The following RAB27B variants were observed in gnomAD, a reference collection of about 807,000 sequenced individuals.
The protein encoded by RAB27B is RAB27B, member RAS oncogene family, also known as ras-related protein Rab-27B.
A neutral mutation model predicts 24.6 loss-of-function variants in RAB27B; 15 were observed. The ratio of observed to expected loss-of-function variants is 0.61; its 90% confidence interval spans 0.41 to 0.94. The LOEUF (loss-of-function observed/expected upper bound fraction) is 0.94, where lower values mean the gene tolerates loss of function less well. Among genes scored for constraint, RAB27B ranks in the 40% least tolerant of loss-of-function variants. The pLI, the probability that RAB27B is intolerant of heterozygous loss-of-function variation, is 0.00. For missense variants in RAB27B, 261 were observed against 266.8 expected (o/e 0.98, Z 0.15); for synonymous variants, 105 against 92.5 (o/e 1.14, Z -0.78).
At chr18:54,765,965 G>A (rs1908348338) in intron 2 of RAB27B, among the ~76,000 whole-genome samples, 1 of 152,142 alleles carries the variant, frequency 6.6e-6, no homozygotes, top group Non-Finnish European at 1.5e-5. Context: ...AGTTAAACCA[G>A]TTTGTTTACA....
chr18:54,800,681 C>T (rs1296879942), intron 2 of RAB27B, among the ~76,000 whole-genome samples: 1 of 152,128 alleles, frequency 6.6e-6, no homozygotes, highest in Non-Finnish European at 1.5e-5. Flanking sequence ...GATATTAAGA[C>T]TTTGTTCCTG....
intron 1 of RAB27B, among the ~76,000 whole-genome samples, chr18:54,855,917 C>T (rs1911766715): frequency 6.6e-6 from 1 of 152,140 alleles, no homozygotes; most frequent in African/African-American, 2.4e-5. Context: ...ATTATACAAC[C>T]ACACTGAATT....
rs1017698563 is a variant in RAB27B at position 54,855,275 on chromosome 18, T to C, written c.-19-22292T>C. ...GAGCAGATGTAAATACAGATGAAGC[T>C]TTGCTTCCTCACTGGCTGCTCACCT... On this transcript the variant is annotated intron_variant, in intron 1 of 5. Transcript: ENST00000262094. Among the ~76,000 whole-genome samples the C allele has an allele frequency of 3.3e-5, 5 of 152,172 alleles. No individual in the cohort carries two copies. The East Asian group carries it at 9.6e-4, about 29-fold the overall frequency.
In RAB27B at chr18:54,888,058, A is replaced by T; in HGVS notation, c.407A>T (p.Asp136Val). Residue 136 changes from aspartate to valine, a missense_variant, in exon 5 of 6, where the codon GAC becomes GTC. Transcript: ENST00000262094. The stretch of plus-strand genomic sequence containing the variant: ...ATAGTATTAATTGGCAACAAGGCAG[A>T]CCTACCAGATCAGAGGGAAGTCAAT... The part of the protein sequence containing the change: ...PDIVLIGNKA[D>V]LPDQREVNER... 2 of 1,613,332 alleles carry T rather than the reference A, an allele frequency of 1.2e-6. No individual in the cohort carries two copies. The highest frequency in any genetic ancestry group is 1.7e-6 in the Non-Finnish European group (2 of 1,179,458).
At chr18:54,875,894 G>A (rs1392453725) in intron 1 of RAB27B, among the ~76,000 whole-genome samples, 1 of 151,970 alleles carries the variant, frequency 6.6e-6, no homozygotes, top group Admixed American at 6.6e-5. Context: ...TTTTGTACAT[G>A]TACATGTACC....
At chr18:54,831,022 T>C (rs746361214) in intron 1 of RAB27B, among the ~76,000 whole-genome samples, 8 of 152,164 alleles carry the variant, frequency 5.3e-5, no homozygotes, top group Non-Finnish European at 7.3e-5. Flanking sequence ...TGGACCAAAA[T>C]TCCTGACCTT....
intron 2 of RAB27B, among the ~76,000 whole-genome samples, chr18:54,782,075 A>C (rs1026591303): frequency 1.3e-5 from 2 of 152,212 alleles, no homozygotes; most frequent in African/African-American, 4.8e-5. Flanking sequence ...TTAATGAGAA[A>C]AATTATTTAC....
rs561720880 is a variant in RAB27B at position 54,766,177 on chromosome 18, A to G, written c.-20+48036A>G. ...TGGCTTTCTTCCATCTTACCACTTC[A>G]TCATCTTCATGGTAGACCCTCCAGA... On this transcript the variant is annotated intron_variant, in intron 2 of 4. Coordinates refer to the RAB27B transcript ENST00000586570. 5.3e-5 allele frequency among the ~76,000 whole-genome samples: 8 copies of G among 152,304 alleles called. No homozygotes were observed. In the East Asian group the frequency reaches 1.5e-3, roughly 29 times the overall value.
intron 2 of RAB27B, among the ~76,000 whole-genome samples, chr18:54,725,760 A>G (rs1273585660): frequency 6.6e-6 from 1 of 151,482 alleles, no homozygotes; most frequent in East Asian, 1.9e-4. Context: ...CACCCCCATG[A>G]TTAAATTATC....
chr18:54,800,065 T>A (rs1399737765), intron 2 of RAB27B, among the ~76,000 whole-genome samples: 2 of 152,214 alleles, frequency 1.3e-5, no homozygotes. Flanking sequence ...CTTAACTAAC[T>A]GTCCCTCAGC....
intron 2 of RAB27B, among the ~76,000 whole-genome samples, chr18:54,747,123 C>G (rs1032913004): frequency 6.6e-6 from 1 of 152,148 alleles, no homozygotes; most frequent in Non-Finnish European, 1.5e-5. Context: ...GGCTTTGTTA[C>G]ACCCCAGCCT....
chr18:54,785,676 T>C (rs1350765016), intron 2 of RAB27B, among the ~76,000 whole-genome samples: 3 of 152,194 alleles, frequency 2.0e-5, no homozygotes, highest in Non-Finnish European at 1.5e-5. Flanking sequence ...TTTTGTTCCC[T>C]GTTCTATGCT....
At position 54,819,164 on chromosome 18, in the gene RAB27B, A is replaced by T. The variant is rs934042990; in HGVS notation, c.-19-58403A>T. Among the ~76,000 whole-genome samples, 55 of 147,358 alleles carry T rather than the reference A, an allele frequency of 3.7e-4. 1 individual carries two copies. The highest frequency in any genetic ancestry group is 1.3e-3 in the African/African-American group (53 of 40,552). On this transcript the variant is annotated intron_variant, in intron 2 of 4. Coordinates refer to the RAB27B transcript ENST00000586570. Reference sequence around the variant, plus strand: ...ACTTATTATAAATAATTATATATTAACATAATTATTAATGAATATTATATA... The same window carrying T: ...ACTTATTATAAATAATTATATATTATCATAATTATTAATGAATATTATATA...
chr18:54,763,831 G>A (rs1720553299), intron 2 of RAB27B, among the ~76,000 whole-genome samples: 1 of 152,154 alleles, frequency 6.6e-6, no homozygotes, highest in African/African-American at 2.4e-5. Flanking sequence ...TCTGGTCTCA[G>A]TAGAAAATGG....
chr18:54,840,856 G>A (rs1239905437), intron 1 of RAB27B, among the ~76,000 whole-genome samples: 3 of 151,960 alleles, frequency 2.0e-5, no homozygotes, highest in African/African-American at 7.2e-5. Flanking sequence ...TAAAAGTACA[G>A]ATAGCCAGCT....
intron 2 of RAB27B, among the ~76,000 whole-genome samples, chr18:54,808,133 T>G (rs1009161280): frequency 6.6e-6 from 1 of 152,220 alleles, no homozygotes; most frequent in Non-Finnish European, 1.5e-5. Context: ...TGTTCATTGT[T>G]TACTGCTTAA....
intron 2 of RAB27B, among the ~76,000 whole-genome samples, chr18:54,794,783 C>T (rs1308288549): frequency 1.3e-5 from 2 of 152,100 alleles, no homozygotes; most frequent in Non-Finnish European, 2.9e-5. Context: ...TTCTGGGCTC[C>T]CCCCAACCCC....
intron 2 of RAB27B, among the ~76,000 whole-genome samples, chr18:54,811,840 G>C (rs1028630176): frequency 6.6e-5 from 10 of 152,186 alleles, no homozygotes; most frequent in African/African-American, 2.2e-4. Flanking sequence ...GCCTGATGCA[G>C]TTTCCCTTTG....
At chr18:54,847,538 G>GT (rs1193413087) in intron 1 of RAB27B, among the ~76,000 whole-genome samples, 1 of 152,180 alleles carries the variant, frequency 6.6e-6, no homozygotes, top group Admixed American at 6.5e-5. Context: ...GACGTTAGAT[G>GT]TATCTGAAAC....
Sources: allele counts gnomAD v4.1 joint callset (sites outside exome capture counted in the v4.1 genomes callset), GRCh38; gene constraint gnomAD v4.1.1; transcripts MANE v1.5; gene names NCBI Gene and HGNC (gene_info 2026-07-23, HGNC 2026-07-21).